The following MACROD2 variants were observed in gnomAD, a reference collection of about 807,000 sequenced individuals.
The protein encoded by MACROD2 is mono-ADP ribosylhydrolase 2.
MACROD2 carries 36 observed loss-of-function variants against 70.4 expected under a neutral mutation model. The observed-to-expected ratio is 0.51, with a 90% CI of 0.39 to 0.68. MACROD2 has a LOEUF of 0.68. Ranked by LOEUF, MACROD2 falls within the 30% of genes least tolerant of loss-of-function variation. MACROD2 has a pLI of 0.00. For missense variants in MACROD2, 496 were observed against 538.4 expected (o/e 0.92, Z 0.78); for synonymous variants, 172 against 178.8 (o/e 0.96, Z 0.30).
At chr20:15,464,917 A>G (rs1220619447) in intron 7 of MACROD2, among the ~76,000 whole-genome samples, 1 of 152,164 alleles carries the variant, frequency 6.6e-6, no homozygotes, top group Admixed American at 6.5e-5. Context: ...AAATGGGCAT[A>G]AACACTGGGT....
At chr20:14,991,681 C>T (rs1408816313) in intron 5 of MACROD2, among the ~76,000 whole-genome samples, 1 of 152,128 alleles carries the variant, frequency 6.6e-6, no homozygotes, top group East Asian at 1.9e-4. Context: ...ATCAAATTCC[C>T]TTTCAAAATA....
At chr20:15,451,706 C>T (rs1032136331) in intron 7 of MACROD2, among the ~76,000 whole-genome samples, 18 of 152,220 alleles carry the variant, frequency 1.2e-4, no homozygotes, top group East Asian at 3.9e-4. Context: ...TGAGGCCTCA[C>T]GCTGATCTGA....
At chr20:15,366,103 T>A (rs971359875) in intron 6 of MACROD2, among the ~76,000 whole-genome samples, 3 of 152,220 alleles carry the variant, frequency 2.0e-5, no homozygotes, top group East Asian at 3.9e-4. Flanking sequence ...GGGATTATTA[T>A]TATTTTTTAA....
At chr20:15,352,083 C>A (rs554195400) in intron 6 of MACROD2, among the ~76,000 whole-genome samples, 144 of 152,226 alleles carry the variant, frequency 9.5e-4, no homozygotes, top group African/African-American at 3.3e-3. Context: ...CAAACTGAGG[C>A]AGCCATAATG....
At chr20:15,197,300 T>C (rs1195978922) in intron 5 of MACROD2, among the ~76,000 whole-genome samples, 1 of 152,108 alleles carries the variant, frequency 6.6e-6, no homozygotes, top group Admixed American at 6.5e-5. Flanking sequence ...AGAATACTAG[T>C]AAATATTGCT....
At chr20:15,995,858 G>GGT (rs71192311) in intron 15 of MACROD2, among the ~76,000 whole-genome samples, 73 of 148,590 alleles carry the variant, frequency 4.9e-4, no homozygotes, top group African/African-American at 1.4e-3. Context: ...ACAAATGTGA[G>GGT]GTGTGTGTGT....
At chr20:15,766,464 C>G (rs547998062) in intron 8 of MACROD2, among the ~76,000 whole-genome samples, 33 of 151,938 alleles carry the variant, frequency 2.2e-4, no homozygotes, top group Admixed American at 9.8e-4. Flanking sequence ...AACTTTTTTT[C>G]CTTCTTCAAA....
At chr20:14,083,229 C>T (rs2054024320) in intron 2 of MACROD2, among the ~76,000 whole-genome samples, 1 of 150,672 alleles carries the variant, frequency 6.6e-6, no homozygotes, top group African/African-American at 2.4e-5. Flanking sequence ...GTCAGGAGTT[C>T]AAGACCAGCC....
intron 4 of MACROD2, among the ~76,000 whole-genome samples, chr20:14,651,305 A>G (rs1447710488): frequency 6.6e-6 from 1 of 152,132 alleles, no homozygotes; most frequent in African/African-American, 2.4e-5. Context: ...CAACAGGTCA[A>G]GAAGATTAGT....
chr20:14,591,254 A>G (rs988489853), intron 4 of MACROD2, among the ~76,000 whole-genome samples: 1 of 152,206 alleles, frequency 6.6e-6, no homozygotes, highest in African/African-American at 2.4e-5. Context: ...AATTTAATAC[A>G]TTTAATCCAT....
At chr20:14,865,853 T>C (rs1249551575) in intron 5 of MACROD2, among the ~76,000 whole-genome samples, 1 of 152,170 alleles carries the variant, frequency 6.6e-6, no homozygotes, top group African/African-American at 2.4e-5. Context: ...TATATGGCAC[T>C]GCTTTTTCTT....
intron 6 of MACROD2, among the ~76,000 whole-genome samples, chr20:15,367,359 T>C (rs2045426004): frequency 6.6e-6 from 1 of 152,212 alleles, no homozygotes; most frequent in South Asian, 2.1e-4. Context: ...AAATAGTTTC[T>C]ACTCATTTTT....
intron 3 of MACROD2, among the ~76,000 whole-genome samples, chr20:14,105,769 A>G (rs1377241829): frequency 1.3e-5 from 2 of 152,156 alleles, no homozygotes; most frequent in Non-Finnish European, 2.9e-5. Context: ...GAGGAGAGCA[A>G]GGAGTGAAGA....
intron 5 of MACROD2, among the ~76,000 whole-genome samples, chr20:15,045,392 C>T (rs2123037011): frequency 6.6e-6 from 1 of 152,284 alleles, no homozygotes; most frequent in South Asian, 2.1e-4. Flanking sequence ...CTTCAGTTCA[C>T]TCAGCAACAC....
intron 5 of MACROD2, among the ~76,000 whole-genome samples, chr20:15,205,860 C>A (rs1226906081): frequency 2.6e-5 from 4 of 152,140 alleles, no homozygotes; most frequent in Non-Finnish European, 5.9e-5. Flanking sequence ...AGTGGCAAGG[C>A]CACATTGCCA....
chr20:14,679,051 A>T (rs1045249264), intron 4 of MACROD2, among the ~76,000 whole-genome samples: 4 of 152,090 alleles, frequency 2.6e-5, no homozygotes, highest in Admixed American at 6.6e-5. Context: ...ATAGGTGGGG[A>T]TATACAAAAG....
At chr20:14,018,831 T>C (rs1252268869) in intron 2 of MACROD2, among the ~76,000 whole-genome samples, 4 of 152,216 alleles carry the variant, frequency 2.6e-5, no homozygotes, top group Admixed American at 2.0e-4. Context: ...GCAAATATTA[T>C]GGCACCAGCC....
At chr20:15,065,290 A>G (rs2123091775) in intron 5 of MACROD2, among the ~76,000 whole-genome samples, 1 of 152,330 alleles carries the variant, frequency 6.6e-6, no homozygotes, top group Admixed American at 6.5e-5. Flanking sequence ...GGTACATGGA[A>G]GAAGAAAAAA....
At chr20:14,561,353 C>T (rs1600387497) in intron 4 of MACROD2, among the ~76,000 whole-genome samples, 1 of 151,638 alleles carries the variant, frequency 6.6e-6, no homozygotes, top group African/African-American at 2.4e-5. Flanking sequence ...CTCTTAAGTT[C>T]CCTTAAGATT....
Sources: allele counts gnomAD v4.1 joint callset (sites outside exome capture counted in the v4.1 genomes callset), GRCh38; gene constraint gnomAD v4.1.1; transcripts MANE v1.5; gene names NCBI Gene and HGNC (gene_info 2026-07-23, HGNC 2026-07-21).